PCDH15: variants seen among roughly 807,000 people sequenced by gnomAD.
PCDH15 encodes protocadherin related 15.
Under a neutral mutation model 178.5 loss-of-function variants are expected in PCDH15, and 129 were observed. The ratio of observed to expected loss-of-function variants is 0.72; its 90% CI spans 0.63 to 0.84. The LOEUF is 0.84. PCDH15 is among the 40% of genes least tolerant of loss of function. The probability of loss-of-function intolerance (pLI) is 0.00; values close to 1 mark genes in which losing one functional copy is unlikely to be tolerated. For synonymous variants in PCDH15, 800 were observed against 732.0 expected, an observed-to-expected ratio of 1.09 and a Z score of -1.50; for missense variants, 2,230 against 2,099.9, an observed-to-expected ratio of 1.06 and a Z score of -1.21.
chr10:55,272,990 G>A (rs1842485322), intron 1 of PCDH15, among the ~76,000 whole-genome samples: 1 of 151,928 alleles, frequency 6.6e-6, no homozygotes. Context: ...ATGAGACTAT[G>A]AAACTGTGAA....
At chr10:55,048,854 A>G (rs776079126) in intron 2 of PCDH15, among the ~76,000 whole-genome samples, 9 of 151,924 alleles carry the variant, frequency 5.9e-5, no homozygotes, top group Admixed American at 2.0e-4. Context: ...TTTATGTGTA[A>G]GGTAAAAAGC....
chr10:55,114,082 G>A (rs901565209), intron 2 of PCDH15, among the ~76,000 whole-genome samples: 4 of 152,012 alleles, frequency 2.6e-5, no homozygotes, highest in Non-Finnish European at 5.9e-5. Context: ...CTGAGTAGCT[G>A]GGACTACAGG....
intron 8 of PCDH15, among the ~76,000 whole-genome samples, chr10:54,242,657 A>G (rs1365794057): frequency 6.6e-6 from 1 of 152,188 alleles, no homozygotes. Context: ...TAAAGCTTCC[A>G]GCCTTGGTTG....
intron 2 of PCDH15, among the ~76,000 whole-genome samples, chr10:54,555,555 C>T (rs1028884484): frequency 1.4e-5 from 2 of 144,368 alleles, no homozygotes; most frequent in Non-Finnish European, 3.0e-5. Flanking sequence ...CACGGTGAAA[C>T]CCCCTCTCTA....
intron 6 of PCDH15, among the ~76,000 whole-genome samples, chr10:54,337,190 G>A (rs996453157): frequency 6.6e-6 from 1 of 151,960 alleles, no homozygotes; most frequent in Admixed American, 6.6e-5. Flanking sequence ...GATTTTACAG[G>A]CTCATGGGTG....
intron 2 of PCDH15, among the ~76,000 whole-genome samples, chr10:55,339,869 A>T (rs1184134650): frequency 1.3e-5 from 2 of 151,980 alleles, no homozygotes; most frequent in African/African-American, 2.4e-5. Flanking sequence ...TGTTTTCTTT[A>T]GTCCACTTTG....
intron 1 of PCDH15, among the ~76,000 whole-genome samples, chr10:55,170,983 T>G (rs189091015): frequency 0.012 from 1,866 of 152,340 alleles, 21 homozygotes; most frequent in Non-Finnish European, 0.019. Context: ...CTGATGTATC[T>G]CCTACATTTC....
chr10:54,051,023 G>A (rs566653883), intron 18 of PCDH15, among the ~76,000 whole-genome samples: 17 of 152,318 alleles, frequency 1.1e-4, no homozygotes, highest in African/African-American at 3.8e-4. Flanking sequence ...GAAGAAGGAT[G>A]TGTGTGCTTC....
chr10:54,184,936 T>A (rs1426725416), intron 12 of PCDH15, among the ~76,000 whole-genome samples, 198 bp downstream of exon 12: 1 of 152,064 alleles, frequency 6.6e-6, no homozygotes, highest in East Asian at 1.9e-4. Flanking sequence ...AATGTTAATA[T>A]AGCTACACAA....
At chr10:54,306,375 A>T (rs1407950261) in intron 8 of PCDH15, among the ~76,000 whole-genome samples, 1 of 152,082 alleles carries the variant, frequency 6.6e-6, no homozygotes, top group African/African-American at 2.4e-5. Flanking sequence ...AGAGAAAGAT[A>T]ATTTAAGGAA....
chr10:54,027,798 G>T (rs2093156413), intron 18 of PCDH15, among the ~76,000 whole-genome samples: 2 of 140,266 alleles, frequency 1.4e-5, no homozygotes, highest in African/African-American at 2.8e-5. Context: ...ATTCAAGATG[G>T]ATTAAAGACT....
chr10:53,950,530 T>C (rs534601114), intron 23 of PCDH15, among the ~76,000 whole-genome samples: 1 of 152,298 alleles, frequency 6.6e-6, no homozygotes, highest in African/African-American at 2.4e-5. Context: ...AATTGTGTAA[T>C]ATAATGCATT....
chr10:55,423,036 A>T (rs1317681619), intron 2 of PCDH15, among the ~76,000 whole-genome samples: 2 of 151,924 alleles, frequency 1.3e-5, no homozygotes, highest in East Asian at 1.9e-4. Flanking sequence ...GGACTATAGA[A>T]GTTATCATGT....
chr10:54,047,744 T>C (rs2093684940), intron 18 of PCDH15, among the ~76,000 whole-genome samples: 1 of 152,142 alleles, frequency 6.6e-6, no homozygotes, highest in Non-Finnish European at 1.5e-5. Context: ...GCAAATGACA[T>C]GATTTCATTT....
intron 1 of PCDH15, among the ~76,000 whole-genome samples, chr10:55,301,631 A>T (rs912191829): frequency 7.9e-5 from 12 of 151,984 alleles, no homozygotes; most frequent in African/African-American, 2.9e-4. Context: ...TCCTTTTATA[A>T]ATTATACTTT....
chr10:55,502,436 T>C (rs1840676872), intron 2 of PCDH15, among the ~76,000 whole-genome samples: 1 of 151,716 alleles, frequency 6.6e-6, no homozygotes, highest in South Asian at 2.1e-4. Flanking sequence ...ACTTCTAGTA[T>C]ACACTATCAT....
chr10:55,251,961 C>T (rs1472571852), intron 1 of PCDH15, among the ~76,000 whole-genome samples: 2 of 152,130 alleles, frequency 1.3e-5, no homozygotes, highest in Non-Finnish European at 2.9e-5. Context: ...AAATTGGCTA[C>T]TGGTTCACAA....
intron 3 of PCDH15, among the ~76,000 whole-genome samples, chr10:54,453,714 AAAG>A (rs752431944): frequency 1.2e-4 from 18 of 152,108 alleles, no homozygotes; most frequent in South Asian, 4.2e-4. Flanking sequence ...AGAAGCACAC[AAAG>A]AAGAAGGTCA....
At chr10:55,373,154 C>G (rs1010603060) in intron 2 of PCDH15, among the ~76,000 whole-genome samples, 3 of 152,060 alleles carry the variant, frequency 2.0e-5, no homozygotes, top group Non-Finnish European at 4.4e-5. Flanking sequence ...TCTAAAGAAG[C>G]AGCAGAAGTA....
Sources: gnomAD v4.1 joint callset for allele counts (sites outside exome capture counted in the v4.1 genomes callset) on GRCh38, gnomAD v4.1.1 for gene constraint, MANE v1.5 for transcripts, NCBI Gene and HGNC (gene_info 2026-07-23, HGNC 2026-07-21) for gene names.